NUP107: variants seen among roughly 807,000 people sequenced by gnomAD.
NUP107 encodes the protein nucleoporin 107.
NUP107 carries 101 observed loss-of-function variants against 141.0 expected under a neutral mutation model. The ratio of observed to expected loss-of-function variants is 0.72; its 90% CI spans 0.61 to 0.84. The LOEUF is 0.84. Among genes scored for constraint, NUP107 ranks in the 40% least tolerant of loss-of-function variants. NUP107 has a pLI of 0.00. For missense variants in NUP107, 941 were observed against 1,102.7 expected (o/e 0.85, Z 2.08); for synonymous variants, 319 against 363.9 (o/e 0.88, Z 1.41).
chr12:68,707,862 C>T (rs1279499465), intron 8 of NUP107, among the ~76,000 whole-genome samples: 1 of 152,014 alleles, frequency 6.6e-6, no homozygotes, highest in Non-Finnish European at 1.5e-5. Context: ...TTTGGGAGGC[C>T]GAGGCAGGTA....
intron 1 of NUP107, chr12:68,687,607 C>T: frequency 1.0e-6 from 1 of 985,826 alleles, no homozygotes; most frequent in Non-Finnish European, 1.2e-6. Flanking sequence ...TGTTTGGGGG[C>T]GATTAAGTCT....
chr12:68,727,330 A>G (rs1877606523), intron 19 of NUP107, 21 bp from the exon 20 acceptor site: 5 of 1,312,514 alleles, frequency 3.8e-6, no homozygotes, highest in Non-Finnish European at 5.4e-6. Flanking sequence ...ATTTATAATT[A>G]TGTCTTTTTT....
chr12:68,744,213 G>A lies in NUP107; in HGVS notation c.*1751G>A, dbSNP rs978214627. The A allele has an allele frequency of 6.6e-6, 1 of 152,076 alleles. No homozygotes were observed. Among genetic ancestry groups the A allele is most frequent in the African/African-American group, 2.4e-5 (1 of 41,398 alleles). The allele number at this position is 152,076 out of a possible 1,614,324, so 9.4% of individuals were successfully genotyped here. Reference sequence around the variant, plus strand: ...ATGGACAAGGTCTGTCATCTATTTAGGAACTTGTTTTGCATGTCCCCCACT... The same window carrying A: ...ATGGACAAGGTCTGTCATCTATTTAAGAACTTGTTTTGCATGTCCCCCACT... On this transcript the variant is annotated 3_prime_UTR_variant, in exon 28 of 28. Coordinates refer to ENST00000229179, the MANE Select transcript of NUP107 (RefSeq NM_020401.4).
At chr12:68,690,785 G>A (rs1012078505) in intron 4 of NUP107, 39 bp downstream of exon 4, 6 of 1,600,942 alleles carry the variant, frequency 3.7e-6, no homozygotes, top group Non-Finnish European at 4.3e-6. Flanking sequence ...CTTTTGGGTC[G>A]AGTGTGGTGG....
Position 68,702,145 on chromosome 12 carries a change from C to T in NUP107, c.681-591C>T, listed in dbSNP as rs149272160. On this transcript the variant is annotated intron_variant, in intron 7 of 27. Transcript: ENST00000229179. ...CTGGGATTAGAGGCGCATGCCAACA[C>T]GCTTGGCTAATTTTTATATTTTTAG... 9.2e-3 allele frequency among the ~76,000 whole-genome samples: 1,397 copies of T among 152,236 alleles called. 11 individuals are homozygous for T. The highest frequency in any genetic ancestry group is 0.031 in the Middle Eastern group (9 of 294).
At chr12:68,734,381 C>T (rs543481915) in intron 24 of NUP107, among the ~76,000 whole-genome samples, 1 of 152,290 alleles carries the variant, frequency 6.6e-6, no homozygotes, top group South Asian at 2.1e-4. Context: ...GCACCCTATC[C>T]TTGCCCTCTA....
Position 68,725,802 on chromosome 12 carries a change from A to ATATGGTTT in NUP107, c.1576+10_1576+17dup. 1 of 1,261,170 alleles carries ATATGGTTT rather than the reference A, an allele frequency of 7.9e-7. No individual in the cohort carries two copies. Among genetic ancestry groups the ATATGGTTT allele is most frequent in the Non-Finnish European group, 1.1e-6 (1 of 887,950 alleles). The allele number at this position is 1,261,170 out of a possible 1,614,324, so 78.1% of individuals were successfully genotyped here. A position where few individuals can be genotyped will look rare whatever the true frequency, so the allele number is the denominator to read the frequency against. ...TATCCTGGGAGACATTGATGGTAAG[A>ATATGGTTT]TATGGTTTTATTTTACTTTGTGTTT... On this transcript the variant is annotated splice_region_variant and intron_variant, in intron 18 of 27. Transcript: ENST00000229179.
Position 68,690,725 on chromosome 12 carries a change from G to A in NUP107, c.282G>A (p.Gly94=). 2 of 1,614,112 alleles carry A rather than the reference G, an allele frequency of 1.2e-6. No homozygotes were observed. Among genetic ancestry groups the A allele is most frequent in the East Asian group, 2.2e-5 (1 of 44,870 alleles). The change falls in exon 4 of 28, where the codon GGG becomes GGA. Residue 94 remains glycine, a synonymous_variant. Coordinates refer to ENST00000229179, the MANE Select transcript of NUP107 (RefSeq NM_020401.4). ...GKSPRLTQSS[G]FFGNLSMVTN... ...CGCCCCGACTTACGCAGTCTTCAGG[G>A]TTCTTTGGAAATCTCTCCATGGTAT...
At chr12:68,704,547 G>A (rs757485562) in intron 8 of NUP107, among the ~76,000 whole-genome samples, 3 of 151,520 alleles carry the variant, frequency 2.0e-5, no homozygotes, top group Non-Finnish European at 2.9e-5. Context: ...TCCACCTCCC[G>A]GGTTCAAGCG....
intron 3 of NUP107, 45 bp downstream of exon 3, chr12:68,689,664 T>A: frequency 9.0e-7 from 1 of 1,113,486 alleles, no homozygotes; most frequent in Non-Finnish European, 1.4e-6. Flanking sequence ...ACGGTAATTA[T>A]AATAGCAACT....
intron 8 of NUP107, chr12:68,705,577 G>T: frequency 6.3e-6 from 2 of 318,132 alleles, no homozygotes; most frequent in South Asian, 3.1e-5. Flanking sequence ...CAGCTTCTCT[G>T]TTCCTTCTCG....
Position 68,731,732 on chromosome 12 carries a change from G to A in NUP107, c.1998+13G>A. On this transcript the variant is annotated intron_variant, in intron 22 of 27. Coordinates refer to ENST00000229179, the MANE Select transcript of NUP107 (RefSeq NM_020401.4). ...TGGCACTACTGAGGTAATTTGGGAT[G>A]GGGGGGCAGAGGTTTCTATAACTTC... 1 of 1,380,002 alleles carries A rather than the reference G, an allele frequency of 7.2e-7. No individual in the cohort carries two copies. The highest frequency in any genetic ancestry group is 9.9e-7 in the Non-Finnish European group (1 of 1,008,412). The allele number at this position is 1,380,002 out of a possible 1,614,324, so 85.5% of individuals were successfully genotyped here. A position where few individuals can be genotyped will look rare whatever the true frequency, so the allele number is the denominator to read the frequency against.
rs1565708444 is a variant in NUP107, at chr12:68,744,808, A to C, written c.*2346A>C. Reference sequence around the variant, plus strand: ...AATTCCCAAATGCCTCTCTTCCTGAACACCAGAAGTGGTGGGCACCTGAGT... The same window carrying C: ...AATTCCCAAATGCCTCTCTTCCTGACCACCAGAAGTGGTGGGCACCTGAGT... On this transcript the variant is annotated 3_prime_UTR_variant, in exon 28 of 28. Transcript: ENST00000229179. 1 of 152,236 alleles carries C rather than the reference A, an allele frequency of 6.6e-6. No individual in the cohort carries two copies. The highest frequency in any genetic ancestry group is 2.1e-4 in the South Asian group (1 of 4,834). 9.4% of individuals were successfully genotyped at this position (152,236 alleles called of 1,614,324 possible).
At chr12:68,691,470 C>G (rs1875781163) in intron 4 of NUP107, among the ~76,000 whole-genome samples, 1 of 152,142 alleles carries the variant, frequency 6.6e-6, no homozygotes, top group South Asian at 2.1e-4. Context: ...CACTATGGAA[C>G]AGTATTAAAA....
At position 68,700,824 on chromosome 12, in the gene NUP107, C is replaced by A; in HGVS notation, c.651C>A (p.Val217=). The A allele has an allele frequency of 6.2e-7, 1 of 1,603,384 alleles. No homozygotes were observed. The highest frequency in any genetic ancestry group is 1.1e-5 in the South Asian group (1 of 88,712). The change falls in exon 7 of 28, where the codon GTC becomes GTA. Residue 217 remains valine (V), a synonymous_variant. Coordinates refer to ENST00000229179, the MANE Select transcript of NUP107 (RefSeq NM_020401.4). ...TCTGGCTTCTTCAACAGGAGATGGT[C>A]ACATGGAGGCTGCTGGCTTCTTTGT... is the stretch of plus-strand genomic sequence containing the variant. ...SMLWLLQQEM[V]TWRLLASLYR... is the part of the protein sequence containing the mutation.
chr12:68,697,754 A>T (rs1016477221), intron 6 of NUP107, among the ~76,000 whole-genome samples: 2 of 152,122 alleles, frequency 1.3e-5, no homozygotes, highest in African/African-American at 4.8e-5. Flanking sequence ...CTTTGGCCAG[A>T]CGTGGTGACT....
intron 20 of NUP107, among the ~76,000 whole-genome samples, chr12:68,727,628 C>G (rs1308252668): frequency 6.6e-6 from 1 of 152,068 alleles, no homozygotes; most frequent in Admixed American, 6.6e-5. Flanking sequence ...CTACTGATAC[C>G]CTACTGCTGA....
chr12:68,726,565 G>T lies in NUP107; in HGVS notation c.1643G>T (p.Arg548Leu), dbSNP rs776367548. The change falls in exon 19 of 28, where the codon CGC becomes CTC. Residue 548 changes from arginine (R) to leucine (L), a missense_variant. Coordinates refer to ENST00000229179, the MANE Select transcript of NUP107 (RefSeq NM_020401.4). ...AACAATCTACCTGGACACCTGCTTC[G>T]CTTTATGACTCACCTTATTTTGTTT... The part of the protein sequence containing the change: ...SRNNLPGHLL[R>L]FMTHLILFFR... 6.2e-7 allele frequency: 1 copy of T among 1,613,764 alleles called. No homozygotes were observed. The highest frequency in any genetic ancestry group is 8.5e-7 in the Non-Finnish European group (1 of 1,179,938).
chr12:68,706,808 G>A (rs1876605321), intron 8 of NUP107: 2 of 757,464 alleles, frequency 2.6e-6, no homozygotes, highest in African/African-American at 1.7e-5. Flanking sequence ...GAAGCTGCTG[G>A]AGGATGAGGA....
Sources: allele counts gnomAD v4.1 joint callset (sites outside exome capture counted in the v4.1 genomes callset), GRCh38; gene constraint gnomAD v4.1.1; transcripts MANE v1.5; gene names NCBI Gene and HGNC (gene_info 2026-07-23, HGNC 2026-07-21).